Variants in AGTPBP1 observed in about 807,000 individuals in gnomAD.
AGTPBP1 encodes ATP/GTP binding carboxypeptidase 1, also known as cytosolic carboxypeptidase 1.
A neutral mutation model predicts 143.9 loss-of-function variants in AGTPBP1; 70 were observed. The ratio of observed to expected loss-of-function variants is 0.49; its 90% CI spans 0.40 to 0.59. The LOEUF (loss-of-function observed/expected upper bound fraction) is 0.59. Ranked by LOEUF, AGTPBP1 falls within the 20% of genes least tolerant of loss-of-function variation. The probability of loss-of-function intolerance (pLI) is 0.00; values close to 1 mark genes in which losing one functional copy is unlikely to be tolerated. For missense variants in AGTPBP1, 1,229 were observed against 1,464.5 expected (o/e 0.84, Z 2.62); for synonymous variants, 463 against 500.2 (o/e 0.93, Z 0.99).
chr9:85,794,830 G>A, the AGTPBP1 span, among the ~76,000 whole-genome samples: 1 of 151,992 alleles, frequency 6.6e-6, no homozygotes, highest in Non-Finnish European at 1.5e-5. Flanking sequence ...CAGTGTACAT[G>A]TCTTACACTT....
upstream of AGTPBP1, chr9:85,741,976 A>T (rs994092951): frequency 8.1e-6 from 10 of 1,230,806 alleles, no homozygotes; most frequent in African/African-American, 1.6e-5. Flanking sequence ...GGGCAACGTC[A>T]GCGCGGCGCC....
chr9:85,733,855 T>A (rs956989708), intron 1 of AGTPBP1, among the ~76,000 whole-genome samples: 3 of 152,126 alleles, frequency 2.0e-5, no homozygotes, highest in African/African-American at 4.8e-5. Flanking sequence ...ATAACCTAGA[T>A]GAGATAAATT....
chr9:85,567,171 A>G (rs374926763), intron 25 of AGTPBP1, among the ~76,000 whole-genome samples: 65 of 152,336 alleles, frequency 4.3e-4, no homozygotes, highest in African/African-American at 1.4e-3. Context: ...CCTGCAAACT[A>G]TAGGATCATG....
At chr9:85,708,637 A>C (rs1031587571) in intron 2 of AGTPBP1, among the ~76,000 whole-genome samples, 1 of 152,150 alleles carries the variant, frequency 6.6e-6, no homozygotes, top group Non-Finnish European at 1.5e-5. Context: ...ACCTGGGTTC[A>C]AGCAATTCTC....
Position 85,741,932 on chromosome 9 carries a change from C to CGGCGCTGGAGGCGGCGGA in AGTPBP1, c.-209_-192dup. On this transcript the variant is annotated 5_prime_UTR_variant, in exon 1 of 26. Transcript: ENST00000357081. Reference sequence around the variant, plus strand: ...GCGGCGGCGGCGGCAGCTGCGGCGGCGGCGCTGGAGGCGGCGGAACCTGTC... The same window carrying CGGCGCTGGAGGCGGCGGA: ...GCGGCGGCGGCGGCAGCTGCGGCGGCGGCGCTGGAGGCGGCGGAGGCGCTGGAGGCGGCGGAACCTGTC... 6 of 1,313,384 alleles carry CGGCGCTGGAGGCGGCGGA rather than the reference C, an allele frequency of 4.6e-6. No homozygotes were observed. The allele number at this position is 1,313,384 out of a possible 1,614,324, so 81.4% of individuals were successfully genotyped here. A position where few individuals can be genotyped will look rare whatever the true frequency, so the allele number is the denominator to read the frequency against.
chr9:85,746,407 G>T (rs939336861), upstream of AGTPBP1, among the ~76,000 whole-genome samples: 2 of 152,044 alleles, frequency 1.3e-5, no homozygotes, highest in African/African-American at 4.8e-5. Context: ...CATATCATTG[G>T]AGCCAGGAGT....
chr9:85,672,475 G>C (rs1160016767), intron 7 of AGTPBP1, 75 bp downstream of exon 7: 1 of 1,477,638 alleles, frequency 6.8e-7, no homozygotes, highest in Non-Finnish European at 9.2e-7. Flanking sequence ...GAGGTTTACA[G>C]AATCAGGATA....
intron 13 of AGTPBP1, among the ~76,000 whole-genome samples, chr9:85,642,390 G>A (rs149954907): frequency 9.5e-4 from 144 of 151,356 alleles, no homozygotes; most frequent in Middle Eastern, 6.9e-3. Context: ...GTGTAATGGC[G>A]AGATCTCGGC....
intron 18 of AGTPBP1, among the ~76,000 whole-genome samples, chr9:85,594,457 T>C (rs1307376514): frequency 2.0e-5 from 3 of 152,084 alleles, no homozygotes; most frequent in Non-Finnish European, 2.9e-5. Flanking sequence ...TTCACAACTG[T>C]AGTCCCAGCT....
At chr9:85,636,259 C>CTTT (rs35445993) in intron 13 of AGTPBP1, among the ~76,000 whole-genome samples, 1,861 of 118,446 alleles carry the variant, frequency 0.016, 31 homozygotes, top group Middle Eastern at 0.055. Flanking sequence ...TGTAAGGTTT[C>CTTT]TTTTTTTTTT....
At chr9:85,764,837 G>A in the AGTPBP1 span, 2 of 1,321,040 alleles carry the variant, frequency 1.5e-6, no homozygotes, top group Non-Finnish European at 2.2e-6. Context: ...GCAAGTTGAA[G>A]TCCTCCAGAA....
In AGTPBP1 at chr9:85,660,989, G is replaced by A; in HGVS notation, c.663-16C>T. 1 of 1,582,768 alleles carries A rather than the reference G, an allele frequency of 6.3e-7. No homozygotes were observed. On this transcript the variant is annotated splice_polypyrimidine_tract_variant and intron_variant, in intron 8 of 25. Coordinates refer to ENST00000357081, the MANE Select transcript of AGTPBP1 (RefSeq NM_001330701.2). ...TAAAGCAACCCTGTCAACACAACAA[G>A]AAAACACAAACAACAACAAAACTAG...
chr9:85,559,931 G>A (rs1826593955), intron 25 of AGTPBP1, among the ~76,000 whole-genome samples: 1 of 152,142 alleles, frequency 6.6e-6, no homozygotes, highest in African/African-American at 2.4e-5. Context: ...TTTCTTGAGT[G>A]TGTACTTTTG....
intron 1 of AGTPBP1, among the ~76,000 whole-genome samples, chr9:85,728,406 C>T (rs192612899): frequency 2.6e-5 from 4 of 152,098 alleles, no homozygotes; most frequent in East Asian, 1.9e-4. Flanking sequence ...ATTATACACT[C>T]GAGATGAGAT....
Position 85,677,510 on chromosome 9 carries a change from G to A in AGTPBP1, c.362C>T (p.Ala121Val). The A allele has an allele frequency of 1.2e-6, 2 of 1,603,126 alleles. No homozygotes were observed. Among genetic ancestry groups the A allele is most frequent in the Non-Finnish European group, 1.7e-6 (2 of 1,174,694 alleles). ...CTCATGTGGGGGAGATTCTTTGCTG[G>A]CATTCATAAGTAACTGCAACAATAT... The part of the protein sequence containing the change: ...SQILLQLLMN[A>V]SKESPPHEDL... The change falls in exon 6 of 26, where the codon GCC becomes GTC. Residue 121 changes from alanine to valine, a missense_variant. Ala to Val is a moderately conservative substitution (Grantham distance 64). Transcript: ENST00000357081.
At chr9:85,649,495 T>C (rs2133883298) in intron 11 of AGTPBP1, among the ~76,000 whole-genome samples, 1 of 152,314 alleles carries the variant, frequency 6.6e-6, no homozygotes, top group East Asian at 1.9e-4. Flanking sequence ...TTGGATTTTC[T>C]ATATAGACAG....
chr9:85,632,966 A>G lies in AGTPBP1; in HGVS notation c.1711T>C (p.Cys571Arg). The G allele has an allele frequency of 6.2e-7, 1 of 1,614,150 alleles. No individual in the cohort carries two copies. Among genetic ancestry groups the G allele is most frequent in the Non-Finnish European group, 8.5e-7 (1 of 1,180,018 alleles). Reference protein sequence around the residue: ...PLTVLTCAKACPHMATCGNVL... With the variant: ...PLTVLTCAKARPHMATCGNVL... ...TTTCCACAAGTAGCCATGTGTGGACATGCTTTAGCACAGGTAAGGACAGTA... is the reference window on the plus strand; with the variant it reads ...TTTCCACAAGTAGCCATGTGTGGACGTGCTTTAGCACAGGTAAGGACAGTA... The change falls in exon 14 of 26, where the codon TGT becomes CGT. Residue 571 changes from cysteine to arginine, a missense_variant. Transcript: ENST00000357081.
At chr9:85,596,884 T>C (rs572254266) in intron 17 of AGTPBP1, among the ~76,000 whole-genome samples, 1 of 152,112 alleles carries the variant, frequency 6.6e-6, no homozygotes, top group Admixed American at 6.6e-5. Context: ...CCGTTCTCCA[T>C]ACATATATGT....
chr9:85,795,091 G>A, the AGTPBP1 span, among the ~76,000 whole-genome samples: 2 of 152,046 alleles, frequency 1.3e-5, no homozygotes, highest in African/African-American at 4.8e-5. Flanking sequence ...CTACTTTTTT[G>A]TTGTTGTTGA....
Sources: gnomAD v4.1 joint callset for allele counts (sites outside exome capture counted in the v4.1 genomes callset) on GRCh38, gnomAD v4.1.1 for gene constraint, MANE v1.5 for transcripts, NCBI Gene and HGNC (gene_info 2026-07-23, HGNC 2026-07-21) for gene names.